Variants in ALDH1A3 observed in about 807,000 individuals in gnomAD.
The protein encoded by ALDH1A3 is retinaldehyde dehydrogenase 3.
A neutral mutation model predicts 57.5 loss-of-function variants in ALDH1A3; 28 were observed. The observed-to-expected ratio is 0.49, with a 90% CI of 0.36 to 0.67. The LOEUF (loss-of-function observed/expected upper bound fraction) is 0.67, where lower values mean the gene tolerates loss of function less well. ALDH1A3 is among the 30% of genes least tolerant of loss of function. The pLI, the probability that ALDH1A3 is intolerant of heterozygous loss-of-function variation, is 0.00. For missense variants in ALDH1A3, 507 were observed against 669.4 expected (o/e 0.76, Z 2.68); for synonymous variants, 281 against 264.8 (o/e 1.06, Z -0.59).
At position 100,887,881 on chromosome 15, in the gene ALDH1A3, C is replaced by T. The variant is rs75726102; in HGVS notation, c.345+169C>T. Among the ~76,000 whole-genome samples the T allele has an allele frequency of 7.2e-3, 1,098 of 152,268 alleles. 16 individuals are homozygous for T. The highest frequency in any genetic ancestry group is 0.025 in the African/African-American group (1,045 of 41,540). On this transcript the variant is annotated intron_variant, in intron 3 of 12. Transcript: ENST00000329841. The surrounding 1 kb of genome is among the most constrained non-coding windows in gnomAD (Gnocchi z 4.6). ...GCAATACTTGCAGGTGTTAATGCCT[C>T]TAGACTGAATCCCTTTCATTTTGAA...
intron 11 of ALDH1A3, among the ~76,000 whole-genome samples, chr15:100,907,851 T>C (rs1184327046): frequency 1.5e-5 from 2 of 132,526 alleles, no homozygotes; most frequent in African/African-American, 5.6e-5. Flanking sequence ...TTTCTTTTTT[T>C]TTTTTTTTTT....
chr15:100,896,586 G>A (rs1216606559), intron 7 of ALDH1A3, among the ~76,000 whole-genome samples: 1 of 152,194 alleles, frequency 6.6e-6, no homozygotes, highest in African/African-American at 2.4e-5. Flanking sequence ...TGATACTGCT[G>A]AGAATATGGG....
At position 100,893,865 on chromosome 15, in the gene ALDH1A3, C is replaced by G; in HGVS notation, c.538-89C>G. On this transcript the variant is annotated intron_variant, in intron 5 of 12. Coordinates refer to ENST00000329841, the MANE Select transcript of ALDH1A3 (RefSeq NM_000693.4). This position sits in a 1 kb window ranked among gnomAD's most constrained non-coding sequence, Gnocchi z 4.8. ...TACCCCAAATCCAGACCATGAAAAGCAAGTGTCCTCCACAAAGGCATCGTT... is the reference window on the plus strand; with the variant it reads ...TACCCCAAATCCAGACCATGAAAAGGAAGTGTCCTCCACAAAGGCATCGTT... 6.6e-7 allele frequency: 1 copy of G among 1,522,218 alleles called. No individual in the cohort carries two copies. The highest frequency in any genetic ancestry group is 8.8e-7 in the Non-Finnish European group (1 of 1,134,306). The allele number at this position is 1,522,218 out of a possible 1,614,324, so 94.3% of individuals were successfully genotyped here.
chr15:100,894,085 G>A lies in ALDH1A3; in HGVS notation c.666+3G>A. The A allele has an allele frequency of 1.2e-6, 2 of 1,613,538 alleles. No homozygotes were observed. The highest frequency in any genetic ancestry group is 8.5e-7 in the Non-Finnish European group (1 of 1,179,828). On this transcript the variant is annotated splice_donor_region_variant and intron_variant, in intron 6 of 12. Transcript: ENST00000329841. This position sits in a 1 kb window ranked among gnomAD's most constrained non-coding sequence, Gnocchi z 4.5. ...ATCTCGGCTCTCTGATCAAAGAGGT[G>A]AGACATCCAAAAAGAAAATATCACA...
In ALDH1A3 at chr15:100,885,414, G is replaced by T. The variant is rs4646655; in HGVS notation, c.204+43G>T. The T allele has an allele frequency of 0.024, 34,311 of 1,410,246 alleles. 605 individuals are homozygous for T. Among genetic ancestry groups the T allele is most frequent in the African/African-American group, 0.053 (3,766 of 70,908 alleles). 87.4% of individuals were successfully genotyped at this position (1,410,246 alleles called of 1,614,324 possible). A position where few individuals can be genotyped will look rare whatever the true frequency, so the allele number is the denominator to read the frequency against. ...ATTTGCTCTAAGTAATTCAATTATG[G>T]ATGACCAAAGGATAAGGAAACGGTT... On this transcript the variant is annotated intron_variant, in intron 2 of 12. Transcript: ENST00000329841.
intron 7 of ALDH1A3, 61 bp downstream of exon 7, chr15:100,896,107 G>A: frequency 7.6e-7 from 1 of 1,309,772 alleles, no homozygotes. Context: ...ACACCCGTGA[G>A]CTTTTCCTTT....
At chr15:100,903,282 G>C (rs2041789367) in intron 9 of ALDH1A3, among the ~76,000 whole-genome samples, 5 of 151,924 alleles carry the variant, frequency 3.3e-5, no homozygotes, top group African/African-American at 9.7e-5. Context: ...GATTGCCTTT[G>C]TTATTTTTAC....
At chr15:100,892,771 A>T in intron 4 of ALDH1A3, 132 bp downstream of exon 4, 1 of 1,385,578 alleles carries the variant, frequency 7.2e-7, no homozygotes, top group Admixed American at 2.4e-5. Context: ...TGGTACTGCC[A>T]ATTCTTCTTC....
intron 1 of ALDH1A3, among the ~76,000 whole-genome samples, chr15:100,884,654 A>C (rs1352532409): frequency 6.6e-6 from 1 of 151,764 alleles, no homozygotes; most frequent in Non-Finnish European, 1.5e-5. Context: ...ATAGGTAAAC[A>C]TGCGCCATGG....
rs28410143 is a variant in ALDH1A3, at chr15:100,906,407, G to T, written c.1234-714G>T. The stretch of plus-strand genomic sequence containing the variant: ...TTTCTGGGGCAGGTATTTCAGAGGC[G>T]TCTTCCTTGAGATTGTTATGTGCCG... On this transcript the variant is annotated intron_variant, in intron 10 of 12. Coordinates refer to ENST00000329841, the MANE Select transcript of ALDH1A3 (RefSeq NM_000693.4). The surrounding 1 kb of genome is among the most constrained non-coding windows in gnomAD (Gnocchi z 4.8). Among the ~76,000 whole-genome samples, 1 of 152,154 alleles carries T rather than the reference G, an allele frequency of 6.6e-6. No individual in the cohort carries two copies. Among genetic ancestry groups the T allele is most frequent in the Non-Finnish European group, 1.5e-5 (1 of 68,034 alleles).
intron 10 of ALDH1A3, among the ~76,000 whole-genome samples, chr15:100,905,964 G>C (rs966417548): frequency 5.3e-5 from 8 of 152,262 alleles, no homozygotes; most frequent in African/African-American, 1.9e-4. Context: ...CTCTCTGGGA[G>C]CAGCAAGCCC....
intron 8 of ALDH1A3, among the ~76,000 whole-genome samples, chr15:100,898,710 T>C (rs2041736690): frequency 6.6e-6 from 1 of 152,228 alleles, no homozygotes. Context: ...AATTACCCGC[T>C]TTGCCTGGTT....
chr15:100,899,274 C>A (rs1285783731), intron 8 of ALDH1A3, among the ~76,000 whole-genome samples: 1 of 152,176 alleles, frequency 6.6e-6, no homozygotes, highest in Admixed American at 6.5e-5. Flanking sequence ...TGGAGCCACA[C>A]GGAGCATTTC....
At chr15:100,903,532 G>C (rs2041792110) in intron 9 of ALDH1A3, among the ~76,000 whole-genome samples, 1 of 152,178 alleles carries the variant, frequency 6.6e-6, no homozygotes, top group South Asian at 2.1e-4. Context: ...GGAAATCCCT[G>C]GGACAGCTTT....
intron 3 of ALDH1A3, among the ~76,000 whole-genome samples, chr15:100,890,714 G>A (rs1038817430): frequency 5.3e-5 from 8 of 152,162 alleles, no homozygotes; most frequent in Non-Finnish European, 1.2e-4. Context: ...TCCATGTCTC[G>A]CGCTTACCCT....
chr15:100,886,697 T>C (rs979431731), intron 2 of ALDH1A3, among the ~76,000 whole-genome samples: 2 of 152,214 alleles, frequency 1.3e-5, no homozygotes, highest in South Asian at 2.1e-4. Flanking sequence ...ACAGTGACAC[T>C]ACTCTAAATG....
intron 1 of ALDH1A3, among the ~76,000 whole-genome samples, chr15:100,882,619 C>T (rs1217084159): frequency 6.6e-6 from 1 of 152,202 alleles, no homozygotes; most frequent in Admixed American, 6.5e-5. Context: ...GCCTGAGACA[C>T]CTTACAGCTC....
At chr15:100,890,696 A>C (rs1457856621) in intron 3 of ALDH1A3, among the ~76,000 whole-genome samples, 1 of 152,198 alleles carries the variant, frequency 6.6e-6, no homozygotes, top group Admixed American at 6.5e-5. Context: ...TGGAGGCAGA[A>C]TCTTGGCTCC....
rs28689536 is a variant in ALDH1A3 at position 100,890,516 on chromosome 15, T to A, written c.346-1994T>A. Among the ~76,000 whole-genome samples, 1,075 of 152,318 alleles carry A rather than the reference T, an allele frequency of 7.1e-3. 16 individuals are homozygous for A. Among genetic ancestry groups the A allele is most frequent in the East Asian group, 0.023 (118 of 5,190 alleles). Reference sequence around the variant, plus strand: ...CATGTTGTCACTCCAGTAAGCAAACTTGCTGAAGTTGACAATAAAAACAAA... The same window carrying A: ...CATGTTGTCACTCCAGTAAGCAAACATGCTGAAGTTGACAATAAAAACAAA... On this transcript the variant is annotated intron_variant, in intron 3 of 12. Coordinates refer to ENST00000329841, the MANE Select transcript of ALDH1A3 (RefSeq NM_000693.4).
Sources: gnomAD v4.1 joint callset for allele counts (sites outside exome capture counted in the v4.1 genomes callset) on GRCh38, gnomAD v4.1.1 for gene constraint, Gnocchi (gnomAD v3.1) non-coding constraint, MANE v1.5 for transcripts, NCBI Gene and HGNC (gene_info 2026-07-23, HGNC 2026-07-21) for gene names.